Variants in MANSC1 observed in about 807,000 individuals in gnomAD.
MANSC1 encodes the protein MANSC domain-containing protein 1.
In MANSC1, 13 loss-of-function variants were observed where a neutral mutation model predicts 14.1. That is an observed-to-expected ratio of 0.92 (90% CI 0.60 to 1.46). The LOEUF is 1.46. MANSC1 is among the 40% of genes most tolerant of loss of function. The pLI is 0.00. For missense variants in MANSC1, 486 were observed against 511.4 expected, an observed-to-expected ratio of 0.95 and a Z score of 0.48; for synonymous variants, 227 against 200.7, an observed-to-expected ratio of 1.13 and a Z score of -1.11.
chr12:12,341,726 A>T (rs554617665), intron 2 of MANSC1, among the ~76,000 whole-genome samples: 8 of 152,274 alleles, frequency 5.3e-5, no homozygotes, highest in African/African-American at 1.9e-4. Flanking sequence ...GGTGGCTCAC[A>T]CACTTTGGGA....
At position 12,327,841 on chromosome 12, in the gene MANSC1, T is replaced by C. The variant is rs1217327448; in HGVS notation, c.*2186A>G. 1 of 152,194 alleles carries C rather than the reference T, an allele frequency of 6.6e-6. No individual in the cohort carries two copies. Among genetic ancestry groups the C allele is most frequent in the African/African-American group, 2.4e-5 (1 of 41,436 alleles). 9.4% of individuals were successfully genotyped at this position (152,194 alleles called of 1,614,324 possible). A position where few individuals can be genotyped will look rare whatever the true frequency, so the allele number is the denominator to read the frequency against. ...TTCCTCTTAATGTACTTTATGAACT[T>C]AGTGTAAACCAGGGAAATGGGGGAG... On this transcript the variant is annotated 3_prime_UTR_variant, in exon 4 of 4. Transcript: ENST00000535902.
At chr12:12,346,183 GAATGGCATGAACCCCAGGC>G (rs200062786) in intron 1 of MANSC1, among the ~76,000 whole-genome samples, 9,113 of 119,390 alleles carry the variant, frequency 0.076, 423 homozygotes, top group East Asian at 0.28. Flanking sequence ...TGAGGCAGGA[GAATGGCATGAACCCCAGGC>G]GGAGCTTGCA....
At chr12:12,336,042 G>A (rs896942340) in intron 3 of MANSC1, among the ~76,000 whole-genome samples, 1 of 152,070 alleles carries the variant, frequency 6.6e-6, no homozygotes, top group Non-Finnish European at 1.5e-5. Context: ...AATTAGCCAC[G>A]TGTAGTGGCA....
intron 1 of MANSC1, chr12:12,348,178 C>T (rs972604941): frequency 6.6e-6 from 1 of 152,132 alleles, no homozygotes. Context: ...TGCAGCCTTA[C>T]CATACAATTC....
At position 12,330,438 on chromosome 12, in the gene MANSC1, T is replaced by C; in HGVS notation, c.885A>G (p.Gln295=). Residue 295 remains glutamine (Q), a synonymous_variant, in exon 4 of 4, where the codon CAA becomes CAG. Transcript: ENST00000535902. ...TVFTRAAATL[Q]AMATTAVLTT... ...TCAGAACTGCTGTTGTAGCCATTGC[T>C]TGGAGTGTAGCCGCAGCCCGTGTAA... 1 of 1,614,224 alleles carries C rather than the reference T, an allele frequency of 6.2e-7. No homozygotes were observed. Among genetic ancestry groups the C allele is most frequent in the Non-Finnish European group, 8.5e-7 (1 of 1,180,038 alleles).
At chr12:12,347,249 G>A (rs1863021023) in intron 1 of MANSC1, among the ~76,000 whole-genome samples, 1 of 152,204 alleles carries the variant, frequency 6.6e-6, no homozygotes, top group African/African-American at 2.4e-5. Flanking sequence ...CCATCTGGGG[G>A]TGATGGGAGA....
Position 12,330,514 on chromosome 12 carries a change from G to A in MANSC1, c.809C>T (p.Pro270Leu), listed in dbSNP as rs1369824089. The change falls in exon 4 of 4, where the codon CCT (proline) becomes CTT (leucine). Residue 270 changes from proline to leucine, a missense_variant. Transcript: ENST00000535902. Reference protein sequence around the residue: ...SQPQLATTAPPVTTVTSQPPT... With the variant: ...SQPQLATTAPLVTTVTSQPPT... ...AGGCTGAGAAGTGACAGTGGTTACA[G>A]GTGGAGCTGTGGTGGCCAGCTGTGG... is the stretch of plus-strand genomic sequence containing the variant. The A allele has an allele frequency of 1.9e-5, 30 of 1,614,092 alleles. No homozygotes were observed. The highest frequency in any genetic ancestry group is 1.6e-4 in the Middle Eastern group (1 of 6,084).
chr12:12,337,599 C>G lies in MANSC1; in HGVS notation c.364+821G>C, dbSNP rs545398883. Among the ~76,000 whole-genome samples, 5 of 152,180 alleles carry G rather than the reference C, an allele frequency of 3.3e-5. No individual in the cohort carries two copies. In the East Asian group the frequency reaches 7.7e-4, roughly 23 times the overall value. On this transcript the variant is annotated intron_variant, in intron 3 of 3. Transcript: ENST00000535902. The stretch of plus-strand genomic sequence containing the variant: ...AAACAAGCAACAACAACAACAAACC[C>G]CACTAAATTCTGTAATTCTGATTTT...
intron 3 of MANSC1, among the ~76,000 whole-genome samples, chr12:12,335,608 G>A (rs1234196343): frequency 2.0e-5 from 3 of 151,114 alleles, no homozygotes; most frequent in Non-Finnish European, 2.9e-5. Context: ...CAAAGTGCTG[G>A]GATTACATAC....
intron 3 of MANSC1, among the ~76,000 whole-genome samples, chr12:12,334,190 GGCTGCAGTGAGCCATGATCGCGCC>G (rs1209872543): frequency 2.1e-4 from 32 of 151,794 alleles, no homozygotes; most frequent in South Asian, 4.2e-4. Flanking sequence ...AGGAGGTGGA[GGCTGCAGTGAGCCATGATCGCGCC>G]GCTGCAGTGA....
intron 2 of MANSC1, chr12:12,339,259 T>A (rs1361783548): frequency 6.6e-6 from 1 of 152,254 alleles, no homozygotes; most frequent in Non-Finnish European, 1.5e-5. Flanking sequence ...ATTATTTATT[T>A]TTTTTATTTT....
chr12:12,330,246 A>T lies in MANSC1; in HGVS notation c.1077T>A (p.Gly359=). Residue 359 remains glycine, a synonymous_variant, in exon 4 of 4, where the codon GGT becomes GGA. Transcript: ENST00000535902. Reference sequence around the variant, plus strand: ...AGGAACTGCCTGGACTGGCCTCCCTACCTTCCCAGGAAGCAGTTTTATTCA... The same window carrying T: ...AGGAACTGCCTGGACTGGCCTCCCTTCCTTCCCAGGAAGCAGTTTTATTCA... ...STMNKTASWE[G]REASPGSSSQ... 1 of 1,614,148 alleles carries T rather than the reference A, an allele frequency of 6.2e-7. No individual in the cohort carries two copies. Among genetic ancestry groups the T allele is most frequent in the South Asian group, 1.1e-5 (1 of 91,088 alleles).
At chr12:12,334,519 G>A (rs1315007988) in intron 3 of MANSC1, among the ~76,000 whole-genome samples, 1 of 152,100 alleles carries the variant, frequency 6.6e-6, no homozygotes, top group South Asian at 2.1e-4. Context: ...CTATGTCCGG[G>A]GTTGGTGCCA....
intron 1 of MANSC1, among the ~76,000 whole-genome samples, 183 bp downstream of exon 1, chr12:12,349,895 C>A (rs933671003): frequency 6.6e-6 from 1 of 152,218 alleles, no homozygotes; most frequent in African/African-American, 2.4e-5. Context: ...CTAGAGGTCC[C>A]CTTTGGAATA....
rs146478631 is a variant in MANSC1 at position 12,330,648 on chromosome 12, C to T, written c.675G>A (p.Ala225=). ...AAGCAACTGCCACCGTAGCTGGGAG[C>T]GCACTCACATTTTCAGGCAGCAGAT... ...IAHLLPENVS[A]LPATVAVASP... Residue 225 remains alanine (A), a synonymous_variant, in exon 4 of 4, where the codon GCG becomes GCA. Transcript: ENST00000535902. 249 of 1,614,012 alleles carry T rather than the reference C, an allele frequency of 1.5e-4. No homozygotes were observed. The highest frequency in any genetic ancestry group is 1.9e-4 in the Non-Finnish European group (227 of 1,180,020).
At chr12:12,337,619 G>T (rs59621231) in intron 3 of MANSC1, among the ~76,000 whole-genome samples, 3,801 of 152,152 alleles carry the variant, frequency 0.025, 156 homozygotes, top group African/African-American at 0.086. Context: ...CTGTAATTCT[G>T]ATTTTATGCA....
Position 12,330,619 on chromosome 12 carries a change from G to A in MANSC1, c.704C>T (p.Pro235Leu). ...CTTTGGAGTAGCCGAGGTGGTATGT[G>A]GAGAAGCAACTGCCACCGTAGCTGG... ...ALPATVAVAS[P>L]HTTSATPKPA... The change falls in exon 4 of 4, where the codon CCA becomes CTA. Residue 235 changes from proline to leucine, a missense_variant. Transcript: ENST00000535902. 2 of 1,614,156 alleles carry A rather than the reference G, an allele frequency of 1.2e-6. No individual in the cohort carries two copies. Among genetic ancestry groups the A allele is most frequent in the Non-Finnish European group, 8.5e-7 (1 of 1,180,012 alleles).
At chr12:12,346,017 T>C (rs963003083) in intron 1 of MANSC1, among the ~76,000 whole-genome samples, 3 of 152,222 alleles carry the variant, frequency 2.0e-5, no homozygotes, top group Non-Finnish European at 2.9e-5. Context: ...CTCAAGCCTG[T>C]AATCCCAGCA....
chr12:12,349,338 CCTCTTTTCAAG>C (rs1162448778), intron 1 of MANSC1, among the ~76,000 whole-genome samples: 2 of 152,138 alleles, frequency 1.3e-5, no homozygotes, highest in Non-Finnish European at 2.9e-5. Context: ...TCTAATGTAG[CCTCTTTTCAAG>C]CTTTTGCAAA....
Sources: gnomAD v4.1 joint callset for allele counts (sites outside exome capture counted in the v4.1 genomes callset) on GRCh38, gnomAD v4.1.1 for gene constraint, MANE v1.5 for transcripts, NCBI Gene and HGNC (gene_info 2026-07-23, HGNC 2026-07-21) for gene names.